MYO1H: variants seen among roughly 807,000 people sequenced by gnomAD.
MYO1H encodes myosin IH.
In MYO1H, 118 loss-of-function variants were observed where a neutral mutation model predicts 149.3. The observed-to-expected ratio is 0.79, with a 90% CI of 0.68 to 0.92. The LOEUF (loss-of-function observed/expected upper bound fraction) is 0.92, where lower values mean the gene tolerates loss of function less well. Among genes scored for constraint, MYO1H ranks in the 40% least tolerant of loss-of-function variants. MYO1H has a pLI of 0.00. For missense variants in MYO1H, 1,212 were observed against 1,280.7 expected, an observed-to-expected ratio of 0.95 and a Z score of 0.82; for synonymous variants, 447 against 465.2, an observed-to-expected ratio of 0.96 and a Z score of 0.50.
chr12:109,398,616 G>A (rs1334056259), intron 5 of MYO1H, among the ~76,000 whole-genome samples: 3 of 151,718 alleles, frequency 2.0e-5, no homozygotes, highest in African/African-American at 7.3e-5. Flanking sequence ...CATGCATGGT[G>A]GTGTGCGACT....
the MYO1H span, among the ~76,000 whole-genome samples, chr12:109,315,537 T>A: frequency 0.019 from 2,821 of 152,344 alleles, 84 homozygotes; most frequent in African/African-American, 0.064. Context: ...TCTTTTAAAA[T>A]TTTTGAATTA....
At position 109,434,673 on chromosome 12, in the gene MYO1H, G is replaced by A. The variant is rs138877549; in HGVS notation, c.2064-364G>A. 5.3e-3 allele frequency among the ~76,000 whole-genome samples: 802 copies of A among 152,254 alleles called. 7 individuals carry two copies. Among genetic ancestry groups the A allele is most frequent in the Middle Eastern group, 0.027 (8 of 294 alleles). On this transcript the variant is annotated intron_variant, in intron 20 of 31. Coordinates refer to ENST00000310903, the Ensembl canonical transcript of MYO1H. ...AATCTATTCTCTCCTAGTTGTGGAG[G>A]CCAGAAATCCAAAAATCAAGAGTTG...
chr12:109,374,794 G>T (rs150196840), intron 1 of MYO1H, among the ~76,000 whole-genome samples: 1 of 151,844 alleles, frequency 6.6e-6, no homozygotes, highest in Non-Finnish European at 1.5e-5. Flanking sequence ...TGTCAGTTTG[G>T]TAAGTATAAA....
At chr12:109,336,535 G>C in the MYO1H span, among the ~76,000 whole-genome samples, 1 of 152,110 alleles carries the variant, frequency 6.6e-6, no homozygotes, top group Non-Finnish European at 1.5e-5. Flanking sequence ...GTTATTCTTA[G>C]GCAGATTCTC....
intron 26 of MYO1H, 48 bp from the exon 27 acceptor site, chr12:109,442,169 G>C (rs771806421): frequency 9.8e-6 from 15 of 1,532,920 alleles, no homozygotes; most frequent in Admixed American, 5.0e-5. Context: ...CTTTTCCACA[G>C]GATTGGTACT....
At chr12:109,408,909 A>C (rs6606709) in intron 10 of MYO1H, among the ~76,000 whole-genome samples, 77,828 of 151,932 alleles carry the variant, frequency 0.51, 20,865 homozygotes, top group African/African-American at 0.66. Context: ...TGTGCCTCAA[A>C]CTCCCAAGTA....
the MYO1H span, among the ~76,000 whole-genome samples, chr12:109,321,213 A>G: frequency 6.6e-6 from 1 of 152,172 alleles, no homozygotes; most frequent in Admixed American, 6.5e-5. Flanking sequence ...AGATCTTTGC[A>G]ATGTCTAAAC....
At chr12:109,432,292 C>T (rs1871662019) in intron 19 of MYO1H, among the ~76,000 whole-genome samples, 1 of 152,140 alleles carries the variant, frequency 6.6e-6, no homozygotes, top group Non-Finnish European at 1.5e-5. Flanking sequence ...GCTTGAGCCC[C>T]TGCGCCTGGC....
chr12:109,393,551 C>T (rs9669721), intron 3 of MYO1H, 105 bp downstream of exon 3: 7,133 of 609,088 alleles, frequency 0.012, 280 homozygotes, highest in Middle Eastern at 0.02. Context: ...ATCCATCCAT[C>T]CATCCATCCA....
Position 109,393,328 on chromosome 12 carries a change from T to C in MYO1H, c.175-3T>C, listed in dbSNP as rs1401347356. On this transcript the variant is annotated splice_polypyrimidine_tract_variant and splice_region_variant and intron_variant, in intron 2 of 31. Transcript: ENST00000310903. ...TCACTTGTGCTTTGGTCCATTTCTC[T>C]AGACATATATTGGCACCCTCCTTGT... The C allele has an allele frequency of 1.3e-6, 2 of 1,557,932 alleles. No individual in the cohort carries two copies. Among genetic ancestry groups the C allele is most frequent in the Admixed American group, 1.9e-5 (1 of 52,510 alleles).
At chr12:109,400,864 A>G (rs116768063) in intron 5 of MYO1H, among the ~76,000 whole-genome samples, 1 of 152,334 alleles carries the variant, frequency 6.6e-6, no homozygotes, top group African/African-American at 2.4e-5. Flanking sequence ...TCATGCTTCT[A>G]GAAAAAGACA....
At chr12:109,399,202 A>G (rs937124607) in intron 5 of MYO1H, among the ~76,000 whole-genome samples, 2 of 152,214 alleles carry the variant, frequency 1.3e-5, no homozygotes, top group African/African-American at 4.8e-5. Context: ...ACTTCAACAC[A>G]TATACTGAAA....
intron 1 of MYO1H, among the ~76,000 whole-genome samples, chr12:109,352,464 A>G (rs1421076505): frequency 6.6e-6 from 1 of 152,212 alleles, no homozygotes; most frequent in Non-Finnish European, 1.5e-5. Context: ...ACATACATAC[A>G]TGAATGTATT....
At chr12:109,320,361 A>C in the MYO1H span, among the ~76,000 whole-genome samples, 2 of 150,570 alleles carry the variant, frequency 1.3e-5, no homozygotes, top group South Asian at 4.2e-4. Flanking sequence ...TGTAATCCCA[A>C]CACTTTGGGA....
At chr12:109,351,106 G>A (rs774374916) in intron 1 of MYO1H, among the ~76,000 whole-genome samples, 3 of 152,188 alleles carry the variant, frequency 2.0e-5, no homozygotes, top group Non-Finnish European at 4.4e-5. Flanking sequence ...TAGAAGATGG[G>A]TGAAGTGGTG....
intron 1 of MYO1H, among the ~76,000 whole-genome samples, chr12:109,366,379 C>T (rs573676206): frequency 8.8e-4 from 134 of 152,290 alleles, no homozygotes; most frequent in African/African-American, 3.0e-3. Context: ...GAATTGTTAG[C>T]CAATGCTATA....
At chr12:109,347,584 C>CT (rs60250689), upstream of MYO1H, among the ~76,000 whole-genome samples, 103 of 149,376 alleles carry the variant, frequency 6.9e-4, no homozygotes, top group East Asian at 4.9e-3. Flanking sequence ...ATTTTCTTTT[C>CT]TTTTTTTTTT....
intron 1 of MYO1H, among the ~76,000 whole-genome samples, chr12:109,360,819 T>C (rs537835476): frequency 6.6e-6 from 1 of 152,320 alleles, no homozygotes; most frequent in East Asian, 1.9e-4. Context: ...GGTTTTTACG[T>C]TTTAGACATG....
chr12:109,434,914 A>G (rs1871792542), intron 20 of MYO1H, 123 bp from the exon 21 acceptor site: 1 of 621,338 alleles, frequency 1.6e-6, no homozygotes, highest in Non-Finnish European at 2.8e-6. Context: ...TGCAAACACT[A>G]TTTCCAAATA....
Sources: allele counts gnomAD v4.1 joint callset (sites outside exome capture counted in the v4.1 genomes callset), GRCh38; gene constraint gnomAD v4.1.1; transcripts MANE v1.5; gene names NCBI Gene and HGNC (gene_info 2026-07-23, HGNC 2026-07-21).